NF1: variants seen among roughly 807,000 people sequenced by gnomAD.
NF1 encodes the protein neurofibromin 1.
NF1 carries 122 observed loss-of-function variants against 325.7 expected under a neutral mutation model. The observed-to-expected ratio is 0.37, with a 90% CI of 0.32 to 0.44. The LOEUF is 0.44. Among genes scored for constraint, NF1 ranks in the 20% least tolerant of loss-of-function variants. The pLI, the probability that NF1 is intolerant of heterozygous loss-of-function variation, is 1.00. For missense variants in NF1, 2,140 were observed against 3,415.4 expected (o/e 0.63, Z 9.31); for synonymous variants, 1,091 against 1,186.0 (o/e 0.92, Z 1.65).
At chr17:31,167,286 T>G (rs1254922029) in intron 4 of NF1, among the ~76,000 whole-genome samples, 1 of 152,210 alleles carries the variant, frequency 6.6e-6, no homozygotes, top group Non-Finnish European at 1.5e-5. Context: ...CATTCCCAGC[T>G]TGAAATGCTG....
chr17:31,367,777 G>A (rs8082020), intron 57 of NF1, among the ~76,000 whole-genome samples: 62,133 of 151,750 alleles, frequency 0.41, 14,189 homozygotes, highest in African/African-American at 0.61. Context: ...CAAGGTGGGC[G>A]GATCACTTGA....
intron 36 of NF1, among the ~76,000 whole-genome samples, chr17:31,268,049 G>T (rs1265945084): frequency 6.6e-6 from 1 of 152,176 alleles, no homozygotes; most frequent in Non-Finnish European, 1.5e-5. Flanking sequence ...AGAACTAGAT[G>T]GCTGTGGTGC....
In NF1 at chr17:31,374,753, G is replaced by C; in HGVS notation, c.*598G>C. On this transcript the variant is annotated 3_prime_UTR_variant, in exon 58 of 58. Transcript: ENST00000358273. Reference sequence around the variant, plus strand: ...CAAGGTACTTGGGGGGGAGGGCAGGGAAATTTCATATTTTATAGTGGATTC... The same window carrying C: ...CAAGGTACTTGGGGGGGAGGGCAGGCAAATTTCATATTTTATAGTGGATTC... 1 of 216,978 alleles carries C rather than the reference G, an allele frequency of 4.6e-6. No individual in the cohort carries two copies. The highest frequency in any genetic ancestry group is 9.3e-6 in the Non-Finnish European group (1 of 107,862). The allele number at this position is 216,978 out of a possible 1,614,324, so 13.4% of individuals were successfully genotyped here.
intron 36 of NF1, among the ~76,000 whole-genome samples, chr17:31,313,785 TA>T (rs1474859669): frequency 6.6e-6 from 1 of 151,244 alleles, no homozygotes; most frequent in African/African-American, 2.4e-5. Context: ...AAAGGTCTTA[TA>T]CAAACCTAGG....
chr17:31,215,736 G>A (rs1435283833), intron 13 of NF1, among the ~76,000 whole-genome samples: 2 of 152,226 alleles, frequency 1.3e-5, no homozygotes, highest in African/African-American at 4.8e-5. Flanking sequence ...CTGGAGAGCA[G>A]CATCAAGCAA....
At chr17:31,150,126 T>C (rs1916830649) in intron 1 of NF1, among the ~76,000 whole-genome samples, 1 of 152,210 alleles carries the variant, frequency 6.6e-6, no homozygotes, top group Non-Finnish European at 1.5e-5. Context: ...AGAAGTGTTT[T>C]GGATTTCACA....
chr17:31,258,728 A>G (rs1323800219), intron 32 of NF1, among the ~76,000 whole-genome samples: 1 of 152,128 alleles, frequency 6.6e-6, no homozygotes, highest in African/African-American at 2.4e-5. Context: ...TTGTGTTATG[A>G]AGATCATTTT....
chr17:31,163,914 G>A (rs1184795144), intron 4 of NF1, among the ~76,000 whole-genome samples: 1 of 152,172 alleles, frequency 6.6e-6, no homozygotes, highest in Non-Finnish European at 1.5e-5. Flanking sequence ...AAAAACCTAA[G>A]TGATGTGAAA....
chr17:31,151,173 C>G (rs964581893), intron 1 of NF1, among the ~76,000 whole-genome samples: 1 of 152,132 alleles, frequency 6.6e-6, no homozygotes, highest in African/African-American at 2.4e-5. Flanking sequence ...TTTAGATACA[C>G]AAACACCATG....
At chr17:31,281,281 T>C (rs1297796298) in intron 36 of NF1, among the ~76,000 whole-genome samples, 2 of 152,204 alleles carry the variant, frequency 1.3e-5, no homozygotes, top group Non-Finnish European at 2.9e-5. Flanking sequence ...GGGAAGTGTT[T>C]ATGACACATT....
chr17:31,206,723 G>A (rs977259264), intron 12 of NF1, among the ~76,000 whole-genome samples: 1 of 151,948 alleles, frequency 6.6e-6, no homozygotes, highest in East Asian at 1.9e-4. Context: ...AGTAAGGGAA[G>A]CTGACTCCTG....
At chr17:31,165,046 C>T (rs1298789919) in intron 4 of NF1, among the ~76,000 whole-genome samples, 1 of 152,014 alleles carries the variant, frequency 6.6e-6, no homozygotes, top group Non-Finnish European at 1.5e-5. Context: ...ATTTGAAACA[C>T]CTGTTAAATT....
intron 15 of NF1, among the ~76,000 whole-genome samples, chr17:31,223,071 G>C (rs555558993): frequency 6.6e-5 from 10 of 152,254 alleles, no homozygotes; most frequent in African/African-American, 2.4e-4. Flanking sequence ...GGCTAGGTTT[G>C]GCCTGTGGAT....
At chr17:31,287,171 T>G (rs962864069) in intron 36 of NF1, among the ~76,000 whole-genome samples, 3 of 152,228 alleles carry the variant, frequency 2.0e-5, no homozygotes, top group Non-Finnish European at 4.4e-5. Context: ...TGAGAAATTA[T>G]TTACTATTAC....
At chr17:31,207,754 C>A (rs2066649247) in intron 12 of NF1, among the ~76,000 whole-genome samples, 1 of 151,924 alleles carries the variant, frequency 6.6e-6, no homozygotes, top group Non-Finnish European at 1.5e-5. Flanking sequence ...TTTAAAAAAT[C>A]TTTTAAAACT....
intron 1 of NF1, among the ~76,000 whole-genome samples, chr17:31,125,481 T>TGGA (rs1374637927): frequency 6.6e-5 from 10 of 152,074 alleles, no homozygotes; most frequent in Non-Finnish European, 1.3e-4. Context: ...TTATGGGGTA[T>TGGA]GGGTTTGTTT....
Position 31,155,975 on chromosome 17 carries a change from T to G in NF1, c.61-8T>G. On this transcript the variant is annotated splice_region_variant and splice_polypyrimidine_tract_variant and intron_variant, in intron 1 of 57. Coordinates refer to ENST00000358273, the MANE Select transcript of NF1 (RefSeq NM_001042492.3). ...TGTTAACGTGTTTTTTTTTTCTTTT[T>G]TTTTCAGCTTCCAATAAAAACAGGA... 1 of 1,612,566 alleles carries G rather than the reference T, an allele frequency of 6.2e-7. No homozygotes were observed. Among genetic ancestry groups the G allele is most frequent in the Non-Finnish European group, 8.5e-7 (1 of 1,179,434 alleles).
At chr17:31,295,957 A>C (rs1217926849) in intron 36 of NF1, 2 of 1,614,140 alleles carry the variant, frequency 1.2e-6, no homozygotes, top group South Asian at 2.2e-5. Context: ...CCAGATATTT[A>C]AGATTCCACT....
chr17:31,199,260 A>C (rs1282393297), intron 8 of NF1, among the ~76,000 whole-genome samples: 1 of 152,106 alleles, frequency 6.6e-6, no homozygotes, highest in East Asian at 1.9e-4. Context: ...GCATCCTATA[A>C]GTTTTAGTAT....
Sources: allele counts gnomAD v4.1 joint callset (sites outside exome capture counted in the v4.1 genomes callset), GRCh38; gene constraint gnomAD v4.1.1; transcripts MANE v1.5; gene names NCBI Gene and HGNC (gene_info 2026-07-23, HGNC 2026-07-21).